CEP72: variants seen among roughly 807,000 people sequenced by gnomAD.
CEP72 encodes centrosomal protein of 72 kDa.
Under a neutral mutation model 65.7 loss-of-function variants are expected in CEP72, and 78 were observed. That is an observed-to-expected ratio of 1.19 (90% confidence interval 0.99 to 1.43). The LOEUF is 1.43. CEP72 is among the 40% of genes most tolerant of loss of function. The pLI is 0.00. For synonymous variants in CEP72, 358 were observed against 351.7 expected, an observed-to-expected ratio of 1.02 and a Z score of -0.20; for missense variants, 914 against 832.9, an observed-to-expected ratio of 1.10 and a Z score of -1.20.
chr5:624,646 G>A lies in CEP72; in HGVS notation c.512+67G>A, dbSNP rs186290988. Reference sequence around the variant, plus strand: ...TGGCCTGCTGTCAGGAGGATTAACCGAACGTCATTCACTGTGTGCCGGTCA... The same window carrying A: ...TGGCCTGCTGTCAGGAGGATTAACCAAACGTCATTCACTGTGTGCCGGTCA... On this transcript the variant is annotated intron_variant, in intron 4 of 11. Coordinates refer to ENST00000264935, the MANE Select transcript of CEP72 (RefSeq NM_018140.4). The surrounding 1 kb of genome is among the most constrained non-coding windows in gnomAD (Gnocchi z 4.7). 1.2e-4 allele frequency: 134 copies of A among 1,130,730 alleles called. No individual in the cohort carries two copies. In the Admixed American group the frequency reaches 2.0e-3, roughly 17 times the overall value. 70.0% of individuals were successfully genotyped at this position (1,130,730 alleles called of 1,614,324 possible).
At chr5:632,891 G>T (rs75685307) in intron 4 of CEP72, among the ~76,000 whole-genome samples, 1 of 76,564 alleles carries the variant, frequency 1.3e-5, no homozygotes, top group East Asian at 6.5e-4. Context: ...CCGGGATTTG[G>T]ACCAGTTCTG....
At chr5:668,951 A>G (rs1287045501), downstream of CEP72, among the ~76,000 whole-genome samples, 1 of 152,182 alleles carries the variant, frequency 6.6e-6, no homozygotes, top group Non-Finnish European at 1.5e-5. Flanking sequence ...CCCAAGGCGG[A>G]TGCTGTGTTT....
At chr5:657,981 G>A (rs1006261602), downstream of CEP72, among the ~76,000 whole-genome samples, 3 of 152,142 alleles carry the variant, frequency 2.0e-5, no homozygotes, top group African/African-American at 4.8e-5. Flanking sequence ...ATTTCTTTTC[G>A]AGTTAGTTTT....
At chr5:639,649 G>A (rs1737867364) in intron 8 of CEP72, among the ~76,000 whole-genome samples, 1 of 152,202 alleles carries the variant, frequency 6.6e-6, no homozygotes, top group South Asian at 2.1e-4. Flanking sequence ...CCAGGAGGGT[G>A]GTCCCTCCCC....
At position 643,371 on chromosome 5, in the gene CEP72, C is replaced by T. The variant is rs1561055438; in HGVS notation, c.1540-928C>T. On this transcript the variant is annotated intron_variant, in intron 9 of 11. Coordinates refer to ENST00000264935, the MANE Select transcript of CEP72 (RefSeq NM_018140.4). ...CTGGTTGGCGCCACTGCAGCAGACA[C>T]CTTGGGGAGAAGTCCGCGAAATGAA... 3.0e-6 allele frequency: 3 copies of T among 985,456 alleles called. No homozygotes were observed. The South Asian group carries it at 1.4e-4, about 46-fold the overall frequency. The allele number at this position is 985,456 out of a possible 1,614,324, so 61.0% of individuals were successfully genotyped here.
chr5:665,847 C>G (rs1318456682), intron 3 of CEP72: 12 of 84,504 alleles, frequency 1.4e-4, no homozygotes, highest in Non-Finnish European at 1.6e-4. Flanking sequence ...CCTCCCAGGA[C>G]CCCCCCCAGG....
intron 9 of CEP72, chr5:641,514 T>G: frequency 1.0e-6 from 1 of 984,016 alleles, no homozygotes; most frequent in Non-Finnish European, 1.2e-6. Context: ...CAACGCTTCC[T>G]CTTTAGAGAA....
chr5:616,965 T>A (rs143903540), intron 1 of CEP72, among the ~76,000 whole-genome samples: 52 of 150,602 alleles, frequency 3.5e-4, no homozygotes, highest in African/African-American at 1.2e-3. Flanking sequence ...TGGGTGGGGG[T>A]TTGCTTGCAG....
chr5:657,120 T>A (rs777324232), downstream of CEP72: 2 of 152,238 alleles, frequency 1.3e-5, no homozygotes, highest in African/African-American at 2.4e-5. Context: ...TTTACATACA[T>A]ATTGTTATAT....
At chr5:675,488 A>AGTGTGGCCGGGGGTG in the CEP72 span, among the ~76,000 whole-genome samples, 3 of 26,214 alleles carry the variant, frequency 1.1e-4, no homozygotes, top group African/African-American at 1.3e-3. Flanking sequence ...GGCCAGGGGT[A>AGTGTGGCCGGGGGTG]CATTGTGGCC....
downstream of CEP72, among the ~76,000 whole-genome samples, chr5:668,704 G>A (rs1740061984): frequency 6.6e-6 from 1 of 152,272 alleles, no homozygotes; most frequent in Non-Finnish European, 1.5e-5. Context: ...CAAGAGAAAT[G>A]AAAACAGAGG....
At chr5:614,438 C>T (rs1194018834) in intron 1 of CEP72, among the ~76,000 whole-genome samples, 2 of 143,716 alleles carry the variant, frequency 1.4e-5, no homozygotes, top group East Asian at 2.0e-4. Flanking sequence ...CCTGTTTGAC[C>T]TGTGAATTTT....
downstream of CEP72, among the ~76,000 whole-genome samples, chr5:656,628 C>T (rs1024186720): frequency 1.3e-5 from 2 of 152,072 alleles, no homozygotes; most frequent in Non-Finnish European, 2.9e-5. Context: ...AATTTGTATC[C>T]GGCAGTCTAG....
At chr5:621,372 T>C (rs1736381463) in intron 3 of CEP72, among the ~76,000 whole-genome samples, 1 of 152,226 alleles carries the variant, frequency 6.6e-6, no homozygotes, top group Non-Finnish European at 1.5e-5. Context: ...TTTCCACGGC[T>C]GTGGGGAGCA....
chr5:647,691 A>G (rs1043097651), intron 10 of CEP72, 114 bp from the exon 11 acceptor site: 10 of 711,296 alleles, frequency 1.4e-5, no homozygotes, highest in African/African-American at 5.4e-5. Flanking sequence ...TTTTCCAGCT[A>G]TATTCTTTTT....
chr5:641,779 C>G lies in CEP72; in HGVS notation c.1539+1175C>G, dbSNP rs187375447. On this transcript the variant is annotated intron_variant, in intron 9 of 11. Transcript: ENST00000264935. ...CTGTGCATTTAAGCACACGTGGTCC[C>G]CCGTCTAGAAGCCTGTGCATTTAAG... 48 of 984,464 alleles carry G rather than the reference C, an allele frequency of 4.9e-5. No individual in the cohort carries two copies. The African/African-American group carries it at 7.9e-4, about 16-fold the overall frequency. The allele number at this position is 984,464 out of a possible 1,614,324, so 61.0% of individuals were successfully genotyped here. A position where few individuals can be genotyped will look rare whatever the true frequency, so the allele number is the denominator to read the frequency against.
Position 620,069 on chromosome 5 carries a change from G to T in CEP72, c.211G>T (p.Gly71Cys). 7 of 1,593,166 alleles carry T rather than the reference G, an allele frequency of 4.4e-6. No homozygotes were observed. Among genetic ancestry groups the T allele is most frequent in the Non-Finnish European group, 5.2e-6 (6 of 1,161,934 alleles). Residue 71 changes from glycine (G) to cysteine (C), a missense_variant and splice_region_variant, in exon 3 of 12, where the codon GGC (glycine) becomes TGC (cysteine). Coordinates refer to ENST00000264935, the MANE Select transcript of CEP72 (RefSeq NM_018140.4). ...LSRNSLVSLE[G>C]IQYLTALESL... ...AATTCACTGTGTTTTCTGTTGACAG[G>T]GCATTCAGTACCTGACTGCATTGGA... is the stretch of plus-strand genomic sequence containing the variant.
chr5:671,990 A>G (rs1740239572), downstream of CEP72, among the ~76,000 whole-genome samples: 1 of 152,206 alleles, frequency 6.6e-6, no homozygotes, highest in Non-Finnish European at 1.5e-5. Context: ...TGGGATGGAC[A>G]GACAGGAGGA....
intron 2 of CEP72, chr5:664,872 G>A: frequency 1.7e-6 from 1 of 573,824 alleles, no homozygotes; most frequent in East Asian, 2.9e-5. Flanking sequence ...CGAGGCAGGT[G>A]TATTAGGAGG....
Sources: allele counts gnomAD v4.1 joint callset (sites outside exome capture counted in the v4.1 genomes callset), GRCh38; gene constraint gnomAD v4.1.1; non-coding constraint Gnocchi (gnomAD v3.1); transcripts MANE v1.5; gene names NCBI Gene and HGNC (gene_info 2026-07-23, HGNC 2026-07-21).